The following RAB27A variants were observed in gnomAD, a reference collection of about 807,000 sequenced individuals.
RAB27A encodes the protein RAB27A, member RAS oncogene family.
Under a neutral mutation model 20.8 loss-of-function variants are expected in RAB27A, and 17 were observed. The observed-to-expected ratio is 0.82, with a 90% CI of 0.56 to 1.23. The LOEUF (loss-of-function observed/expected upper bound fraction) is 1.23. Among genes scored for constraint, RAB27A ranks in the 50% most tolerant of loss-of-function variants. The probability of loss-of-function intolerance (pLI) is 0.00; values close to 1 mark genes in which losing one functional copy is unlikely to be tolerated. For missense variants in RAB27A, 277 were observed against 266.7 expected, an observed-to-expected ratio of 1.04 and a Z score of -0.27; for synonymous variants, 85 against 92.8, an observed-to-expected ratio of 0.92 and a Z score of 0.48.
At chr15:55,288,718 G>C (rs1425258447) in intron 1 of RAB27A, 2 of 151,726 alleles carry the variant, frequency 1.3e-5, no homozygotes, top group Non-Finnish European at 2.9e-5. Flanking sequence ...ATGATCCTCA[G>C]TCAAGTTCCT....
rs762174469 is a variant in RAB27A, at chr15:55,205,631, A to T, written c.542T>A (p.Ile181Lys). 2 of 1,614,132 alleles carry T rather than the reference A, an allele frequency of 1.2e-6. No homozygotes were observed. The highest frequency in any genetic ancestry group is 2.2e-5 in the South Asian group (2 of 91,080). The change falls in exon 7 of 7, where the codon ATA (isoleucine) becomes AAA (lysine). Residue 181 changes from isoleucine to lysine, a missense_variant. Coordinates refer to ENST00000336787, the MANE Select transcript of RAB27A (RefSeq NM_183235.3). ...SQAIEMLLDL[I>K]MKRMERCVDK... is the part of the protein sequence containing the mutation. ...CACACACCGTTCCATTCGCTTCATTATCAGGTCCAGAAGCATCTCAATTGC... is the reference window on the plus strand; with the variant it reads ...CACACACCGTTCCATTCGCTTCATTTTCAGGTCCAGAAGCATCTCAATTGC...
At chr15:55,291,510 C>CAAAA (rs530643102), upstream of RAB27A, among the ~76,000 whole-genome samples, 17 of 69,028 alleles carry the variant, frequency 2.5e-4, no homozygotes, top group Non-Finnish European at 3.2e-4. Context: ...GACTCTGTTT[C>CAAAA]AAAAAAAAAA....
At position 55,205,264 on chromosome 15, in the gene RAB27A, G is replaced by A. The variant is rs1894585284; in HGVS notation, c.*243C>T. ...GAATGATTTACTATAATAGGCTAAG[G>A]TTGTATAAGGCACTTTTGGCTCTGA... On this transcript the variant is annotated 3_prime_UTR_variant, in exon 7 of 7. Coordinates refer to ENST00000336787, the MANE Select transcript of RAB27A (RefSeq NM_183235.3). The A allele has an allele frequency of 1.8e-6, 1 of 553,320 alleles. No individual in the cohort carries two copies. Among genetic ancestry groups the A allele is most frequent in the South Asian group, 2.0e-5 (1 of 49,828 alleles). 34.3% of individuals were successfully genotyped at this position (553,320 alleles called of 1,614,324 possible).
chr15:55,311,853 G>A (rs74015565), intron 2 of RAB27A, among the ~76,000 whole-genome samples: 5,787 of 152,004 alleles, frequency 0.038, 382 homozygotes, highest in African/African-American at 0.13. Context: ...CCATTGCTTT[G>A]GAGATCCCTT....
chr15:55,260,904 AGT>A (rs1285274843), intron 2 of RAB27A, among the ~76,000 whole-genome samples: 2 of 152,152 alleles, frequency 1.3e-5, no homozygotes, highest in African/African-American at 4.8e-5. Flanking sequence ...CAACACCAAG[AGT>A]GAACTCCAAT....
Position 55,205,294 on chromosome 15 carries a change from T to C in RAB27A, c.*213A>G, listed in dbSNP as rs1894587243. 3 of 609,340 alleles carry C rather than the reference T, an allele frequency of 4.9e-6. No individual in the cohort carries two copies. Among genetic ancestry groups the C allele is most frequent in the Non-Finnish European group, 8.7e-6 (3 of 346,260 alleles). The allele number at this position is 609,340 out of a possible 1,614,324, so 37.7% of individuals were successfully genotyped here. ...ATAAGGCACTTTTGGCTCTGAAATA[T>C]TTCTCCTAACTCTCAGGCTGAATCT... On this transcript the variant is annotated 3_prime_UTR_variant, in exon 7 of 7. Coordinates refer to ENST00000336787, the MANE Select transcript of RAB27A (RefSeq NM_183235.3).
In RAB27A at chr15:55,206,294, A is replaced by G. The variant is rs1894647232; in HGVS notation, c.468-589T>C. On this transcript the variant is annotated intron_variant, in intron 6 of 6. Coordinates refer to ENST00000336787, the MANE Select transcript of RAB27A (RefSeq NM_183235.3). The stretch of plus-strand genomic sequence containing the variant: ...TTTACTGTAAAAAATTTATAAAAAG[A>G]TATAAGTAGGGGATTCTGGAAGACA... 5.3e-6 allele frequency: 4 copies of G among 751,456 alleles called. No homozygotes were observed. The African/African-American group carries it at 7.6e-5, about 14-fold the overall frequency. The allele number at this position is 751,456 out of a possible 1,614,324, so 46.5% of individuals were successfully genotyped here.
chr15:55,288,155 A>G (rs74414786), intron 1 of RAB27A, among the ~76,000 whole-genome samples: 27 of 152,242 alleles, frequency 1.8e-4, no homozygotes, highest in African/African-American at 6.3e-4. Context: ...AGAAGAAAAC[A>G]TAAGTATAAA....
chr15:55,204,134 C>A lies in RAB27A; in HGVS notation c.*1373G>T, dbSNP rs890050122. The A allele has an allele frequency of 2.4e-4, 37 of 152,058 alleles. No individual in the cohort carries two copies. Among genetic ancestry groups the A allele is most frequent in the Non-Finnish European group, 2.9e-5 (2 of 68,024 alleles). 9.4% of individuals were successfully genotyped at this position (152,058 alleles called of 1,614,324 possible). A position where few individuals can be genotyped will look rare whatever the true frequency, so the allele number is the denominator to read the frequency against. On this transcript the variant is annotated 3_prime_UTR_variant, in exon 7 of 7. Transcript: ENST00000336787. Reference sequence around the variant, plus strand: ...AAATTATGGTGAGTGATATTTCTTCCTATATAGCCATTAAGATCTCTGGAA... The same window carrying A: ...AAATTATGGTGAGTGATATTTCTTCATATATAGCCATTAAGATCTCTGGAA...
At chr15:55,258,057 A>G (rs960233176) in intron 2 of RAB27A, among the ~76,000 whole-genome samples, 2 of 135,468 alleles carry the variant, frequency 1.5e-5, no homozygotes, top group Admixed American at 8.3e-5. Flanking sequence ...ATACAGCGAG[A>G]CTCAGTCTCA....
chr15:55,295,733 G>A (rs1301667041), intron 2 of RAB27A, among the ~76,000 whole-genome samples: 1 of 152,088 alleles, frequency 6.6e-6, no homozygotes, highest in Non-Finnish European at 1.5e-5. Context: ...TGCACACGAG[G>A]TTTCCTTCTG....
chr15:55,317,621 T>G (rs574531291), intron 1 of RAB27A: 1 of 397,614 alleles, frequency 2.5e-6, no homozygotes, highest in Non-Finnish European at 4.4e-6. Flanking sequence ...CCTAACTCCA[T>G]GTAGTATTAA....
intron 2 of RAB27A, 105 bp from the exon 3 acceptor site, chr15:55,235,061 G>C (rs1457697779): frequency 3.3e-6 from 3 of 896,272 alleles, no homozygotes; most frequent in Non-Finnish European, 5.2e-6. Context: ...ATGTTAACCT[G>C]TATGTCTACG....
At chr15:55,251,266 G>C (rs932149214) in intron 2 of RAB27A, among the ~76,000 whole-genome samples, 5 of 152,198 alleles carry the variant, frequency 3.3e-5, no homozygotes, top group African/African-American at 1.2e-4. Context: ...ACTGCAAGAG[G>C]AGCTATTTAA....
intron 2 of RAB27A, among the ~76,000 whole-genome samples, chr15:55,304,016 AGAAAGGCGG>A (rs1158415638): frequency 6.6e-6 from 1 of 151,442 alleles, no homozygotes; most frequent in Non-Finnish European, 1.5e-5. Context: ...TTTGTGGAAT[AGAAAGGCGG>A]GAAAGGTGGG....
chr15:55,275,433 C>A (rs1897837671), intron 1 of RAB27A, among the ~76,000 whole-genome samples: 1 of 152,042 alleles, frequency 6.6e-6, no homozygotes, highest in Admixed American at 6.6e-5. Flanking sequence ...TTGAAACCAG[C>A]CTGACCAACA....
chr15:55,248,819 C>T (rs1193633760), intron 2 of RAB27A: 1 of 152,130 alleles, frequency 6.6e-6, no homozygotes, highest in Non-Finnish European at 1.5e-5. Flanking sequence ...AAGCTGTAGA[C>T]AGCCAGCTAT....
At chr15:55,264,099 T>TG (rs1392402951) in intron 2 of RAB27A, among the ~76,000 whole-genome samples, 1 of 152,172 alleles carries the variant, frequency 6.6e-6, no homozygotes, top group East Asian at 1.9e-4. Context: ...AGGCTGGAGT[T>TG]GGAGTGCAGT....
chr15:55,281,602 C>A (rs1381615009), intron 1 of RAB27A, among the ~76,000 whole-genome samples: 2 of 151,866 alleles, frequency 1.3e-5, no homozygotes, highest in Non-Finnish European at 2.9e-5. Flanking sequence ...GTCCTAGTTA[C>A]TTAGGAGGCT....
Sources: allele counts gnomAD v4.1 joint callset (sites outside exome capture counted in the v4.1 genomes callset), GRCh38; gene constraint gnomAD v4.1.1; transcripts MANE v1.5; gene names NCBI Gene and HGNC (gene_info 2026-07-23, HGNC 2026-07-21).